STK11IP: variants seen among roughly 807,000 people sequenced by gnomAD.
The protein encoded by STK11IP is serine/threonine-protein kinase 11-interacting protein.
Under a neutral mutation model 131.7 loss-of-function variants are expected in STK11IP, and 103 were observed. The ratio of observed to expected loss-of-function variants is 0.78; its 90% CI spans 0.67 to 0.92. STK11IP has a LOEUF of 0.92. STK11IP is among the 40% of genes least tolerant of loss of function. The pLI is 0.00. For missense variants in STK11IP, 1,315 were observed against 1,385.7 expected, an observed-to-expected ratio of 0.95 and a Z score of 0.81; for synonymous variants, 557 against 575.6, an observed-to-expected ratio of 0.97 and a Z score of 0.46.
At chr2:219,610,442 G>C (rs1326026290) in intron 17 of STK11IP, among the ~76,000 whole-genome samples, 1 of 150,062 alleles carries the variant, frequency 6.7e-6, no homozygotes, top group Non-Finnish European at 1.5e-5. Flanking sequence ...TCGCTCTGTT[G>C]CCCAGGCTGG....
intron 7 of STK11IP, among the ~76,000 whole-genome samples, chr2:219,604,519 A>C (rs1473169384): frequency 6.6e-6 from 1 of 152,180 alleles, no homozygotes; most frequent in Non-Finnish European, 1.5e-5. Context: ...TAGTGGATGA[A>C]TTTTGCTGGA....
chr2:219,604,830 C>CTT (rs1037544901), intron 7 of STK11IP, among the ~76,000 whole-genome samples: 4 of 141,630 alleles, frequency 2.8e-5, no homozygotes, highest in South Asian at 2.3e-4. Flanking sequence ...GACTTTTTTC[C>CTT]TTTTTTTTTT....
At position 219,609,402 on chromosome 2, in the gene STK11IP, C is replaced by G. The variant is rs138178069; in HGVS notation, c.1966C>G (p.Arg656Gly). Residue 656 changes from arginine (R) to glycine (G), a missense_variant, in exon 17 of 25, where the codon CGG becomes GGG. Physicochemically the swap from Arg to Gly is moderately radical, Grantham distance 125 (BLOSUM62 -2). Coordinates refer to ENST00000456909, the MANE Select transcript of STK11IP (RefSeq NM_052902.4). ...GTTGACCCCAGTCACCAATGTGGCT[C>G]GGGAACAGCTTGGGGAGGCCAGGGA... is the stretch of plus-strand genomic sequence containing the variant. ...AVLTPVTNVAREQLGEARDLL... is the reference protein window; with the variant it reads ...AVLTPVTNVAGEQLGEARDLL... 1.2e-6 allele frequency: 2 copies of G among 1,613,668 alleles called. No homozygotes were observed. The highest frequency in any genetic ancestry group is 2.2e-5 in the East Asian group (1 of 44,882).
At position 219,605,978 on chromosome 2, in the gene STK11IP, G is replaced by A; in HGVS notation, c.768G>A (p.Leu256=). 6.2e-7 allele frequency: 1 copy of A among 1,607,524 alleles called. No homozygotes were observed. ...SLHGLEQLRN[L]RHLDLAYNLL... Reference sequence around the variant, plus strand: ...CAGGCCTAGAGCAGCTGAGGAATCTGCGGCACCTGGATTTGGCATACAACC... The same window carrying A: ...CAGGCCTAGAGCAGCTGAGGAATCTACGGCACCTGGATTTGGCATACAACC... The change falls in exon 9 of 25, where the codon CTG becomes CTA. Residue 256 remains leucine (L), a synonymous_variant. Coordinates refer to ENST00000456909, the MANE Select transcript of STK11IP (RefSeq NM_052902.4).
At chr2:219,613,093 T>A in intron 19 of STK11IP, 35 bp from the exon 20 acceptor site, 1 of 1,581,718 alleles carries the variant, frequency 6.3e-7, no homozygotes, top group East Asian at 2.2e-5. Context: ...CCCAGGCCTC[T>A]CATCAGGTTT....
chr2:219,602,268 T>C (rs1698011939), intron 5 of STK11IP, among the ~76,000 whole-genome samples, 185 bp downstream of exon 5: 2 of 152,208 alleles, frequency 1.3e-5, no homozygotes, highest in Admixed American at 1.3e-4. Flanking sequence ...GTACCTACCA[T>C]ATTATATTAC....
Position 219,606,003 on chromosome 2 carries a change from C to T in STK11IP, c.793C>T (p.Leu265=). The change falls in exon 9 of 25, where the codon CTG becomes TTG. Residue 265 remains leucine, a synonymous_variant. Coordinates refer to ENST00000456909, the MANE Select transcript of STK11IP (RefSeq NM_052902.4). ...GCGGCACCTGGATTTGGCATACAACCTGCTGGAAGGACACCGGGAGCTGTC... is the reference window on the plus strand; with the variant it reads ...GCGGCACCTGGATTTGGCATACAACTTGCTGGAAGGACACCGGGAGCTGTC... ...NLRHLDLAYN[L]LEGHRELSPL... 6.2e-7 allele frequency: 1 copy of T among 1,609,916 alleles called. No individual in the cohort carries two copies. Among genetic ancestry groups the T allele is most frequent in the Non-Finnish European group, 8.5e-7 (1 of 1,178,232 alleles).
rs372808284 is a variant in STK11IP at position 219,597,908 on chromosome 2, C to A, written c.-42C>A. 5.7e-4 allele frequency: 922 copies of A among 1,611,508 alleles called. No individual in the cohort carries two copies. The highest frequency in any genetic ancestry group is 6.6e-4 in the Non-Finnish European group (779 of 1,178,940). ...CGGGCAGCTGAGCTGGTAGGAGGAC[C>A]AGACGGGGAGGTTCGGTATGTCTGA... On this transcript the variant is annotated 5_prime_UTR_variant, in exon 1 of 25. Transcript: ENST00000456909.
chr2:219,607,176 G>A (rs752477131), intron 13 of STK11IP, 39 bp downstream of exon 13: 1 of 1,588,524 alleles, frequency 6.3e-7, no homozygotes, highest in South Asian at 1.1e-5. Context: ...CTCGTCCCCA[G>A]CGAGCTCACT....
rs1011318686 is a variant in STK11IP at position 219,602,458 on chromosome 2, G to C, written c.439-10G>C. ...GGGTGGGGTAATGAAGCACCCATCT[G>C]TCTGCTCAGGAGCTCCTCTCAGCCT... On this transcript the variant is annotated splice_polypyrimidine_tract_variant and intron_variant, in intron 5 of 24. Transcript: ENST00000456909. 6.2e-7 allele frequency: 1 copy of C among 1,610,412 alleles called. No homozygotes were observed. Among genetic ancestry groups the C allele is most frequent in the Non-Finnish European group, 8.5e-7 (1 of 1,177,454 alleles).
Position 219,609,504 on chromosome 2 carries a change from A to G in STK11IP, c.2068A>G (p.Ser690Gly). 2 of 1,591,632 alleles carry G rather than the reference A, an allele frequency of 1.3e-6. No individual in the cohort carries two copies. Among genetic ancestry groups the G allele is most frequent in the Non-Finnish European group, 1.7e-6 (2 of 1,168,660 alleles). Residue 690 changes from serine to glycine, a missense_variant, in exon 17 of 25, where the codon AGT (serine) becomes GGT (glycine). Physicochemically the swap from Ser to Gly is moderately conservative, Grantham distance 56. Transcript: ENST00000456909. ...KPEEPRMGLDSEEGWRPLFQK... is the reference protein window; with the variant it reads ...KPEEPRMGLDGEEGWRPLFQK... ...AGAGGAGCCCAGGATGGGATTAGACAGTGAGGAAGGCTGGAGGCCTCTGTT... is the reference window on the plus strand; with the variant it reads ...AGAGGAGCCCAGGATGGGATTAGACGGTGAGGAAGGCTGGAGGCCTCTGTT...
chr2:219,611,698 G>T lies in STK11IP; in HGVS notation c.2199G>T (p.Glu733Asp). 1 of 1,613,152 alleles carries T rather than the reference G, an allele frequency of 6.2e-7. No homozygotes were observed. The highest frequency in any genetic ancestry group is 8.5e-7 in the Non-Finnish European group (1 of 1,179,890). ...GTPNRERKQG[E>D]QSLAPSPSAS... ...CCAACAGGGAGCGGAAACAGGGAGA[G>T]CAGTCTCTGGCTCCTTCTCCGTCTG... Residue 733 changes from glutamate to aspartate, a missense_variant, in exon 18 of 25, where the codon GAG becomes GAT. Coordinates refer to ENST00000456909, the MANE Select transcript of STK11IP (RefSeq NM_052902.4).
chr2:219,601,570 C>T lies in STK11IP; in HGVS notation c.268-71C>T, dbSNP rs570120895. 4.0e-4 allele frequency: 625 copies of T among 1,555,208 alleles called. 1 individual carries two copies. Among genetic ancestry groups the T allele is most frequent in the Non-Finnish European group, 5.4e-4 (615 of 1,147,946 alleles). ...GGTGTCAGAGGTACCAGTGGTTGTG[C>T]TAAGGAAGGAATGTTGAGGGCAGGA... On this transcript the variant is annotated intron_variant, in intron 3 of 24. Transcript: ENST00000456909.
At chr2:219,608,839 CT>C in intron 15 of STK11IP, 51 bp downstream of exon 15, 1 of 1,510,938 alleles carries the variant, frequency 6.6e-7, no homozygotes, top group South Asian at 1.2e-5. Context: ...GGGAACATGG[CT>C]GTTGTGTGCC....
At chr2:219,608,909 A>G in intron 15 of STK11IP, 121 bp downstream of exon 15, 8 of 1,235,692 alleles carry the variant, frequency 6.5e-6, no homozygotes, top group Non-Finnish European at 8.9e-6. Flanking sequence ...CGAGGAGGGG[A>G]GCCTCAGAGG....
intron 2 of STK11IP, chr2:219,598,643 C>G (rs749566857): frequency 1.9e-5 from 3 of 155,612 alleles, no homozygotes; most frequent in African/African-American, 7.2e-5. Context: ...AGTGATTGTA[C>G]TTAACATTTG....
chr2:219,608,854 C>T (rs1248234024), intron 15 of STK11IP, 66 bp downstream of exon 15: 2 of 1,458,322 alleles, frequency 1.4e-6, no homozygotes, highest in African/African-American at 1.4e-5. Context: ...GTGTGCCCTG[C>T]ACTGGGCTGG....
intron 7 of STK11IP, among the ~76,000 whole-genome samples, chr2:219,603,810 G>A (rs1574615959): frequency 6.6e-6 from 1 of 152,098 alleles, no homozygotes; most frequent in South Asian, 2.1e-4. Context: ...GTGAGCCACC[G>A]TGCCCGACCA....
chr2:219,606,857 A>T lies in STK11IP; in HGVS notation c.1133A>T (p.Lys378Met). The change falls in exon 12 of 25, where the codon AAG becomes ATG. Residue 378 changes from lysine (K) to methionine (M), a missense_variant and splice_region_variant. Lys to Met is a moderately conservative substitution (Grantham distance 95, BLOSUM62 -1). Transcript: ENST00000456909. ...ACCCAGCCCCTGCTTCATAAGGTTAAGGTAAGCAGCGTCCTCCGCTGCCTT... is the reference window on the plus strand; with the variant it reads ...ACCCAGCCCCTGCTTCATAAGGTTATGGTAAGCAGCGTCCTCCGCTGCCTT... ...VVTQPLLHKV[K>M]SRVRVRRASI... is the part of the protein sequence containing the mutation. The T allele has an allele frequency of 6.2e-7, 1 of 1,608,782 alleles. No homozygotes were observed. Among genetic ancestry groups the T allele is most frequent in the Admixed American group, 1.7e-5 (1 of 59,530 alleles).
Sources: allele counts gnomAD v4.1 joint callset (sites outside exome capture counted in the v4.1 genomes callset), GRCh38; gene constraint gnomAD v4.1.1; transcripts MANE v1.5; gene names NCBI Gene and HGNC (gene_info 2026-07-23, HGNC 2026-07-21).